USP9X: variants seen among roughly 807,000 people sequenced by gnomAD.
USP9X encodes ubiquitin carboxyl-terminal hydrolase 9X.
In USP9X, 7 loss-of-function variants were observed where a neutral mutation model predicts 190.3. The observed-to-expected ratio is 0.04, with a 90% CI of 0.02 to 0.07. USP9X has a LOEUF of 0.07. USP9X is among the 10% of genes least tolerant of loss of function. USP9X has a pLI of 1.00. For missense variants in USP9X, 1,010 were observed against 1,916.9 expected (o/e 0.53, Z 8.83); for synonymous variants, 645 against 659.5 (o/e 0.98, Z 0.34).
intron 31 of USP9X, among the ~76,000 whole-genome samples, chrX:41,201,703 GCT>G (rs2063043289): frequency 8.9e-6 from 1 of 112,850 alleles, no homozygotes. Flanking sequence ...GGGCATGGTA[GCT>G]CACACCTATA....
At chrX:41,118,538 A>G in intron 1 of USP9X, among the ~76,000 whole-genome samples, 1 of 111,804 alleles carries the variant, frequency 8.9e-6, no homozygotes. Flanking sequence ...TGCTTCCTGG[A>G]AAGACTTTTA....
intron 1 of USP9X, among the ~76,000 whole-genome samples, chrX:41,105,057 T>TA (rs1348110003): frequency 1.8e-5 from 2 of 110,621 alleles, no homozygotes; most frequent in African/African-American, 6.6e-5. Flanking sequence ...CTACAATAAA[T>TA]ATAGGACTTG....
At chrX:41,128,850 T>G in intron 2 of USP9X, 150 bp from the exon 3 acceptor site, 1 of 574,621 alleles carries the variant, frequency 1.7e-6, no homozygotes, top group South Asian at 3.1e-5. Flanking sequence ...TCCAAGGTTG[T>G]TGGTTGACTT....
At chrX:41,155,212 CAGTA>C (rs2062566285) in intron 14 of USP9X, among the ~76,000 whole-genome samples, 2 of 111,372 alleles carry the variant, frequency 1.8e-5, no homozygotes, top group Non-Finnish European at 1.9e-5. Context: ...AACATTTCCT[CAGTA>C]AGCATGATCA....
chrX:41,102,423 G>A (rs1472560616), intron 1 of USP9X, among the ~76,000 whole-genome samples: 2 of 110,552 alleles, frequency 1.8e-5, no homozygotes, highest in Admixed American at 9.7e-5. Flanking sequence ...TTCAAGACCA[G>A]CCTGGCCAAC....
chrX:41,114,819 A>G (rs2062135239), intron 1 of USP9X, among the ~76,000 whole-genome samples: 1 of 110,755 alleles, frequency 9.0e-6, no homozygotes, highest in Non-Finnish European at 1.9e-5. Context: ...CTTTATTGTA[A>G]GAATACAGTA....
rs749447585 is a variant in USP9X, at chrX:41,139,708, T to C, written c.655-948T>C. ...AACTAGCATTAGCTATCATATTTTC[T>C]CTTTAAACAAACATTGAACATACAG... On this transcript the variant is annotated intron_variant, in intron 6 of 44. Coordinates refer to ENST00000378308, the MANE Select transcript of USP9X (RefSeq NM_001039591.3). 1.9e-4 allele frequency among the ~76,000 whole-genome samples: 21 copies of C among 112,270 alleles called. 1 individual carries two copies. The Middle Eastern group carries it at 0.023, about 125-fold the overall frequency.
chrX:41,149,026 T>C (rs1399530727), intron 12 of USP9X, among the ~76,000 whole-genome samples: 1 of 112,157 alleles, frequency 8.9e-6, no homozygotes, highest in Admixed American at 9.4e-5. Flanking sequence ...GTGGCATGTG[T>C]ATTTTTTAAC....
At chrX:41,226,300 T>G (rs757063131) in intron 41 of USP9X, among the ~76,000 whole-genome samples, 1 of 111,649 alleles carries the variant, frequency 9.0e-6, no homozygotes, top group African/African-American at 3.3e-5. Context: ...TTTTTGGGGG[T>G]TTTTTTGTAG....
At chrX:41,210,377 T>G in intron 32 of USP9X, 132 bp from the exon 33 acceptor site, 4 of 627,929 alleles carry the variant, frequency 6.4e-6, no homozygotes, top group South Asian at 2.9e-5. Context: ...TCCATGTAAT[T>G]GAGGAATAAA....
In USP9X at chrX:41,109,030, C is replaced by T. The variant is rs773555662; in HGVS notation, c.-158-14441C>T. On this transcript the variant is annotated intron_variant, in intron 1 of 44. Transcript: ENST00000378308. ...AGATACCATCAACTGGGAGCTGGGT[C>T]GGGGGAGGTGTGTTCTTGGCCGTTC... Among the ~76,000 whole-genome samples the T allele has an allele frequency of 7.2e-5, 8 of 111,208 alleles. No homozygotes were observed. In the South Asian group the frequency reaches 2.6e-3, roughly 37 times the overall value.
chrX:41,178,810 C>G (rs2062801715), intron 21 of USP9X, among the ~76,000 whole-genome samples: 1 of 111,951 alleles, frequency 8.9e-6, no homozygotes, highest in African/African-American at 3.2e-5. Flanking sequence ...AAACATTTCC[C>G]TTGTGTTTTC....
At chrX:41,167,638 TACAA>T in intron 17 of USP9X, 61 bp downstream of exon 17, 1 of 855,775 alleles carries the variant, frequency 1.2e-6, no homozygotes, top group Non-Finnish European at 1.6e-6. Flanking sequence ...ATTTCTCTTA[TACAA>T]AAGAGAAAAA....
rs183743482 is a variant in USP9X at position 41,148,273 on chromosome X, T to C, written c.1420-96T>C. ...TTGAATCATTCTGTGCTTAGCTACG[T>C]TGCTTTTGATGAATTTGAATATAGT... On this transcript the variant is annotated intron_variant, in intron 11 of 44. Coordinates refer to ENST00000378308, the MANE Select transcript of USP9X (RefSeq NM_001039591.3). The C allele has an allele frequency of 9.3e-5, 83 of 895,915 alleles. No homozygotes were observed. In the African/African-American group the frequency reaches 1.4e-3, roughly 16 times the overall value. The allele number at this position is 895,915 out of a possible 1,213,427, so 73.8% of individuals were successfully genotyped here.
In USP9X at chrX:41,170,196, T is replaced by C. The variant is rs752454032; in HGVS notation, c.2838T>C (p.Asp946=). 3.0e-5 allele frequency: 36 copies of C among 1,209,636 alleles called. No individual in the cohort carries two copies. Among genetic ancestry groups the C allele is most frequent in the Non-Finnish European group, 3.8e-5 (34 of 894,880 alleles). ...VGGELIDPAD[D]RKLIGQLNLK... is the part of the protein sequence containing the mutation. ...GTGAGCTGATAGATCCTGCAGATGATAGAAAGTTGATTGGACAATTAAACT... is the reference window on the plus strand; with the variant it reads ...GTGAGCTGATAGATCCTGCAGATGACAGAAAGTTGATTGGACAATTAAACT... Residue 946 remains aspartate (D), a synonymous_variant, in exon 19 of 45, where the codon GAT becomes GAC. Coordinates refer to ENST00000378308, the MANE Select transcript of USP9X (RefSeq NM_001039591.3).
intron 1 of USP9X, among the ~76,000 whole-genome samples, chrX:41,115,074 A>G (rs1224827501): frequency 9.2e-6 from 1 of 108,717 alleles, no homozygotes; most frequent in Non-Finnish European, 1.9e-5. Flanking sequence ...TACAAAAATT[A>G]GCCCGGCATT....
intron 14 of USP9X, among the ~76,000 whole-genome samples, chrX:41,154,125 C>G (rs2062555458): frequency 9.0e-6 from 1 of 111,554 alleles, no homozygotes; most frequent in South Asian, 3.7e-4. Flanking sequence ...CTTTATTCTT[C>G]CATTTATCCC....
At chrX:41,171,022 G>A (rs2147124899) in intron 20 of USP9X, among the ~76,000 whole-genome samples, 1 of 111,895 alleles carries the variant, frequency 8.9e-6, no homozygotes, top group East Asian at 2.8e-4. Context: ...ATATACTTGG[G>A]TTTTGCTTGC....
chrX:41,149,044 A>G (rs2062497838), intron 12 of USP9X, among the ~76,000 whole-genome samples: 1 of 112,095 alleles, frequency 8.9e-6, no homozygotes, highest in Non-Finnish European at 1.9e-5. Context: ...AACACATGGT[A>G]AAGTGAACAT....
Sources: allele counts gnomAD v4.1 joint callset (sites outside exome capture counted in the v4.1 genomes callset), GRCh38; gene constraint gnomAD v4.1.1; transcripts MANE v1.5; gene names NCBI Gene and HGNC (gene_info 2026-07-23, HGNC 2026-07-21).